The following PKD1L1 variants were observed in gnomAD, a reference collection of about 807,000 sequenced individuals.
PKD1L1 encodes the protein polycystin-1-like protein 1.
A neutral mutation model predicts 323.4 loss-of-function variants in PKD1L1; 236 were observed. That is an observed-to-expected ratio of 0.73 (90% CI 0.66 to 0.81). PKD1L1 has a LOEUF of 0.81. Ranked by LOEUF, PKD1L1 falls within the 40% of genes least tolerant of loss-of-function variation. The pLI is 0.00. For missense variants in PKD1L1, 3,320 were observed against 3,508.0 expected (o/e 0.95, Z 1.35); for synonymous variants, 1,344 against 1,335.0 (o/e 1.01, Z -0.15).
At chr7:47,803,422 T>C (rs1043573295) in intron 52 of PKD1L1, 78 bp from the exon 53 acceptor site, 11 of 1,524,076 alleles carry the variant, frequency 7.2e-6, no homozygotes, top group Admixed American at 1.8e-5. Flanking sequence ...CTGTCAGTCA[T>C]GCATAAAGAG....
In PKD1L1 at chr7:47,833,768, C is replaced by A. The variant is rs547708758; in HGVS notation, c.6175-516G>T. On this transcript the variant is annotated intron_variant, in intron 40 of 56. Coordinates refer to ENST00000289672, the MANE Select transcript of PKD1L1 (RefSeq NM_138295.5). ...CCTCACAGGTCCCACAAAGCAGAAT[C>A]CCACGTAAGCAAAGGGGCAGTCACA... Among the ~76,000 whole-genome samples the A allele has an allele frequency of 2.5e-4, 38 of 152,264 alleles. No homozygotes were observed. The East Asian group carries it at 6.4e-3, about 26-fold the overall frequency.
In PKD1L1 at chr7:47,885,866, G is replaced by A. The variant is rs1583648499; in HGVS notation, c.3025C>T (p.Pro1009Ser). 1 of 1,614,180 alleles carries A rather than the reference G, an allele frequency of 6.2e-7. No homozygotes were observed. Among genetic ancestry groups the A allele is most frequent in the South Asian group, 1.1e-5 (1 of 91,076 alleles). ...TAGACTCCAGTCATGGGCTCTGTGGGGGTTCCCCTTGGAGCTGAAGTGGCA... is the reference window on the plus strand; with the variant it reads ...TAGACTCCAGTCATGGGCTCTGTGGAGGTTCCCCTTGGAGCTGAAGTGGCA... ...QPATSAPRGT[P>S]TEPMTGVYWI... Residue 1009 changes from proline (P) to serine (S), a missense_variant, in exon 18 of 57, where the codon CCC becomes TCC. Transcript: ENST00000289672.
the PKD1L1 span, among the ~76,000 whole-genome samples, chr7:47,959,631 A>G: frequency 6.4e-5 from 7 of 109,008 alleles, 1 homozygote; most frequent in Admixed American, 4.7e-4. Flanking sequence ...CCCGGCAGCC[A>G]CCCCATCCGG....
intron 18 of PKD1L1, among the ~76,000 whole-genome samples, chr7:47,885,256 A>G (rs1160943022): frequency 6.6e-6 from 1 of 152,208 alleles, no homozygotes; most frequent in East Asian, 1.9e-4. Context: ...GAGGACAGTG[A>G]CAGAGAGACA....
intron 7 of PKD1L1, among the ~76,000 whole-genome samples, chr7:47,918,391 A>G (rs777976733): frequency 1.3e-5 from 2 of 152,090 alleles, no homozygotes; most frequent in Non-Finnish European, 2.9e-5. Flanking sequence ...GAAATGAGAT[A>G]GACAGCAACA....
chr7:47,820,618 T>C (rs1200217783), intron 46 of PKD1L1, among the ~76,000 whole-genome samples: 1 of 152,092 alleles, frequency 6.6e-6, no homozygotes, highest in Admixed American at 6.6e-5. Context: ...TCCCAGCTAC[T>C]TGGGAGGCTG....
rs951623949 is a variant in PKD1L1 at position 47,795,602 on chromosome 7, A to T, written c.8355+387T>A. Among the ~76,000 whole-genome samples the T allele has an allele frequency of 7.9e-5, 12 of 152,324 alleles. No individual in the cohort carries two copies. The East Asian group carries it at 2.3e-3, about 29-fold the overall frequency. Reference sequence around the variant, plus strand: ...TGCATGTCTGGGGTGACTGAACTCAAGTAATGCACCTAAGGCTCTATGTTT... The same window carrying T: ...TGCATGTCTGGGGTGACTGAACTCATGTAATGCACCTAAGGCTCTATGTTT... On this transcript the variant is annotated intron_variant, in intron 55 of 56. Coordinates refer to ENST00000289672, the MANE Select transcript of PKD1L1 (RefSeq NM_138295.5).
upstream of PKD1L1, chr7:47,948,574 C>A: frequency 1.3e-6 from 1 of 793,038 alleles, no homozygotes; most frequent in Non-Finnish European, 2.0e-6. Flanking sequence ...ACACATCAAA[C>A]ACAGAGGGAA....
Position 47,931,332 on chromosome 7 carries a change from T to C in PKD1L1, c.520-11A>G. The C allele has an allele frequency of 6.2e-7, 1 of 1,613,882 alleles. No homozygotes were observed. On this transcript the variant is annotated splice_polypyrimidine_tract_variant and intron_variant, in intron 5 of 56. Transcript: ENST00000289672. ...AGTGGTGCCCTGGAGCTTAAAAGTT[T>C]AAGAACAGTTCAGGGTTTATTGAAT... is the stretch of plus-strand genomic sequence containing the variant.
Position 47,946,371 on chromosome 7 carries a change from ACT to A in PKD1L1, c.44+2024_44+2025del, listed in dbSNP as rs1234000370. 6.6e-6 allele frequency among the ~76,000 whole-genome samples: 1 copy of A among 150,598 alleles called. No individual in the cohort carries two copies. ...CCTACCACACAAACACACACCACAC[ACT>A]CACACCACACCACACTCACACCACA... On this transcript the variant is annotated intron_variant, in intron 1 of 56. Transcript: ENST00000289672. The surrounding 1 kb of genome is among the most constrained non-coding windows in gnomAD (Gnocchi z 4.1).
At chr7:47,876,016 T>A in intron 23 of PKD1L1, 81 bp downstream of exon 23, 1 of 1,484,490 alleles carries the variant, frequency 6.7e-7, no homozygotes, top group Non-Finnish European at 9.2e-7. Flanking sequence ...CTAGACACAG[T>A]TTAGTTTTTG....
At chr7:47,878,057 G>A (rs116015586) in intron 21 of PKD1L1, among the ~76,000 whole-genome samples, 3,262 of 151,934 alleles carry the variant, frequency 0.021, 112 homozygotes, top group African/African-American at 0.074. Flanking sequence ...TTACCCAGCA[G>A]AGCAAACTTT....
At chr7:47,790,603 T>C (rs1786921107) in intron 56 of PKD1L1, among the ~76,000 whole-genome samples, 1 of 152,134 alleles carries the variant, frequency 6.6e-6, no homozygotes, top group African/African-American at 2.4e-5. Flanking sequence ...AGTGCTGGGA[T>C]TACAGGCGTG....
At chr7:47,885,167 G>A (rs2128747627) in intron 18 of PKD1L1, among the ~76,000 whole-genome samples, 1 of 152,286 alleles carries the variant, frequency 6.6e-6, no homozygotes, top group Non-Finnish European at 1.5e-5. Context: ...GAGGCCTGGA[G>A]CACAGCTGAA....
At chr7:47,885,563 C>T (rs1010703265) in intron 18 of PKD1L1, 123 bp downstream of exon 18, 117 of 1,329,474 alleles carry the variant, frequency 8.8e-5, no homozygotes, top group South Asian at 6.9e-4. Flanking sequence ...GTGAACCTGG[C>T]GCTTTCTGAT....
intron 53 of PKD1L1, 132 bp downstream of exon 53, chr7:47,803,078 G>C (rs1784699541): frequency 9.1e-7 from 1 of 1,101,102 alleles, no homozygotes; most frequent in Non-Finnish European, 1.3e-6. Flanking sequence ...CACACTGTAA[G>C]GGATTAGAAG....
intron 56 of PKD1L1, among the ~76,000 whole-genome samples, chr7:47,788,889 G>A (rs1001555546): frequency 1.1e-4 from 17 of 152,022 alleles, no homozygotes; most frequent in Admixed American, 3.3e-4. Context: ...AAGCCACCGT[G>A]CTTGGCCTAT....
intron 56 of PKD1L1, among the ~76,000 whole-genome samples, chr7:47,779,826 T>C (rs1481496962): frequency 6.6e-6 from 1 of 152,120 alleles, no homozygotes; most frequent in African/African-American, 2.4e-5. Flanking sequence ...CTTTCATCTA[T>C]AAAAGACACT....
At chr7:47,953,891 G>A in the PKD1L1 span, among the ~76,000 whole-genome samples, 1 of 152,214 alleles carries the variant, frequency 6.6e-6, no homozygotes, top group Non-Finnish European at 1.5e-5. Context: ...ACTCTGTTCT[G>A]GTTCTCACTT....
Sources: gnomAD v4.1 joint callset for allele counts (sites outside exome capture counted in the v4.1 genomes callset) on GRCh38, gnomAD v4.1.1 for gene constraint, Gnocchi (gnomAD v3.1) non-coding constraint, MANE v1.5 for transcripts, NCBI Gene and HGNC (gene_info 2026-07-23, HGNC 2026-07-21) for gene names.